The following ELF1 variants were observed in gnomAD, a reference collection of about 807,000 sequenced individuals.
ELF1 encodes the protein ETS-related transcription factor Elf-1.
A neutral mutation model predicts 59.9 loss-of-function variants in ELF1; 24 were observed. The ratio of observed to expected loss-of-function variants is 0.40; its 90% CI spans 0.29 to 0.56. ELF1 has a LOEUF of 0.56. Among genes scored for constraint, ELF1 ranks in the 20% least tolerant of loss-of-function variants. The pLI is 0.44. For synonymous variants in ELF1, 248 were observed against 266.2 expected, an observed-to-expected ratio of 0.93 and a Z score of 0.67; for missense variants, 627 against 742.2, an observed-to-expected ratio of 0.84 and a Z score of 1.80.
chr13:40,943,792 T>C (rs368151720), intron 6 of ELF1, 50 bp downstream of exon 6: 2 of 1,523,740 alleles, frequency 1.3e-6, no homozygotes, highest in Non-Finnish European at 1.8e-6. Flanking sequence ...AGGTAGGCAC[T>C]ATAAAGCAAT....
intron 4 of ELF1, 88 bp downstream of exon 4, chr13:40,951,241 A>G (rs1870827045): frequency 1.8e-6 from 2 of 1,093,432 alleles, no homozygotes; most frequent in Non-Finnish European, 2.6e-6. Flanking sequence ...ATATAACATC[A>G]TTTCTAATCT....
intron 1 of ELF1, among the ~76,000 whole-genome samples, chr13:41,047,922 C>T (rs1876926239): frequency 6.6e-6 from 1 of 152,216 alleles, no homozygotes; most frequent in Non-Finnish European, 1.5e-5. Context: ...GCAATGGGCT[C>T]CACCCAGTTC....
intron 5 of ELF1, among the ~76,000 whole-genome samples, chr13:40,946,701 C>A (rs574157040): frequency 6.6e-6 from 1 of 152,112 alleles, no homozygotes; most frequent in Admixed American, 6.5e-5. Context: ...ATAAACACAA[C>A]AAGCATGAAG....
In ELF1 at chr13:40,980,670, C is replaced by T. The variant is rs548305670; in HGVS notation, c.72+1313G>A. Among the ~76,000 whole-genome samples the T allele has an allele frequency of 9.7e-4, 147 of 152,238 alleles. 1 individual carries two copies. Among genetic ancestry groups the T allele is most frequent in the African/African-American group, 3.5e-3 (145 of 41,546 alleles). ...TCTGCTGCTACATCCTGAGATCAAA[C>T]CTCACCACATCAAGCCTAGCATCTA... On this transcript the variant is annotated intron_variant, in intron 2 of 8. Transcript: ENST00000239882.
intron 2 of ELF1, among the ~76,000 whole-genome samples, chr13:40,963,607 T>A (rs1294877531): frequency 6.6e-6 from 1 of 152,204 alleles, no homozygotes; most frequent in Non-Finnish European, 1.5e-5. Context: ...CAGATTTTCA[T>A]AAGAATATGA....
chr13:41,051,667 A>G (rs986923284), intron 1 of ELF1, among the ~76,000 whole-genome samples: 1 of 152,172 alleles, frequency 6.6e-6, no homozygotes, highest in Non-Finnish European at 1.5e-5. Context: ...ACTTTAAGTA[A>G]TAAGATTAAA....
Position 40,933,501 on chromosome 13 carries a change from A to G in ELF1, c.1784T>C (p.Val595Ala). ...TEQQPQPYVM[V>A]VSSSNGFTSQ... ...AGTAAATCCATTGGAACTGGACACT[A>G]CCATCACATAAGGCTGTGGCTGCTG... The change falls in exon 9 of 9, where the codon GTA (valine) becomes GCA (alanine). Residue 595 changes from valine (V) to alanine (A), a missense_variant. This residue lies in a region of ELF1 where 361 missense variants were observed against 396.1 expected (regional missense o/e 0.91). Transcript: ENST00000239882. 1 of 1,614,246 alleles carries G rather than the reference A, an allele frequency of 6.2e-7. No homozygotes were observed. The highest frequency in any genetic ancestry group is 8.5e-7 in the Non-Finnish European group (1 of 1,180,046).
chr13:41,026,854 T>C (rs775363654), intron 1 of ELF1, among the ~76,000 whole-genome samples: 1 of 152,236 alleles, frequency 6.6e-6, no homozygotes, highest in African/African-American at 2.4e-5. Flanking sequence ...CAAATGCCCA[T>C]GGTTCCTGGT....
chr13:40,990,274 T>C (rs2138299224), intron 1 of ELF1, among the ~76,000 whole-genome samples: 1 of 151,828 alleles, frequency 6.6e-6, no homozygotes, highest in African/African-American at 2.4e-5. Flanking sequence ...AAGTTACCTC[T>C]TATGACAATG....
intron 2 of ELF1, among the ~76,000 whole-genome samples, chr13:40,973,019 C>T (rs970658546): frequency 6.6e-6 from 1 of 152,108 alleles, no homozygotes; most frequent in African/African-American, 2.4e-5. Context: ...TCCAACAGAA[C>T]AATGGAATTT....
At chr13:40,958,711 T>C (rs1871613731) in intron 3 of ELF1, 125 bp downstream of exon 3, 7 of 1,298,210 alleles carry the variant, frequency 5.4e-6, no homozygotes, top group East Asian at 5.0e-5. Context: ...TGTAGGGCTG[T>C]AGTTTCTGAA....
At chr13:41,032,720 C>G (rs1021708884) in intron 1 of ELF1, among the ~76,000 whole-genome samples, 1 of 151,876 alleles carries the variant, frequency 6.6e-6, no homozygotes, top group Non-Finnish European at 1.5e-5. Flanking sequence ...TATGGTGGTG[C>G]AAGCCTGTAG....
intron 6 of ELF1, 83 bp from the exon 7 acceptor site, chr13:40,943,227 T>C: frequency 8.3e-7 from 1 of 1,203,984 alleles, no homozygotes; most frequent in South Asian, 2.2e-5. Flanking sequence ...GTCTTAGAAG[T>C]GCCATTTATA....
At position 40,951,343 on chromosome 13, in the gene ELF1, T is replaced by A; in HGVS notation, c.347A>T (p.Asp116Val). 1 of 1,610,718 alleles carries A rather than the reference T, an allele frequency of 6.2e-7. No homozygotes were observed. The highest frequency in any genetic ancestry group is 8.5e-7 in the Non-Finnish European group (1 of 1,177,966). The stretch of plus-strand genomic sequence containing the variant: ...TAATCACTCACTTATTCGTTTTTCA[T>A]CCAGCATAGGGCCAGGGGAATCCAT... ...LNMDSPGPML[D>V]EKRINNNIFS... The change falls in exon 4 of 9, where the codon GAT becomes GTT. Residue 116 changes from aspartate to valine, a missense_variant. Coordinates refer to ENST00000239882, the MANE Select transcript of ELF1 (RefSeq NM_172373.4).
At chr13:40,936,432 C>T (rs777481952) in intron 8 of ELF1, among the ~76,000 whole-genome samples, 3 of 152,084 alleles carry the variant, frequency 2.0e-5, no homozygotes, top group South Asian at 2.1e-4. Context: ...ACTAGGACTT[C>T]GCTGCTTCTG....
chr13:40,997,536 G>A (rs1362678063), intron 1 of ELF1, among the ~76,000 whole-genome samples: 2 of 151,814 alleles, frequency 1.3e-5, no homozygotes, highest in Non-Finnish European at 2.9e-5. Flanking sequence ...AATTACAGGT[G>A]TGAGCCACTG....
At chr13:40,995,781 G>A (rs1314391734) in intron 1 of ELF1, among the ~76,000 whole-genome samples, 1 of 151,976 alleles carries the variant, frequency 6.6e-6, no homozygotes, top group Non-Finnish European at 1.5e-5. Context: ...CATAGCATAG[G>A]AGAAAAATCT....
intron 8 of ELF1, among the ~76,000 whole-genome samples, chr13:40,936,395 T>C (rs550062057): frequency 1.3e-5 from 2 of 152,226 alleles, no homozygotes; most frequent in South Asian, 4.1e-4. Context: ...TACTTGGAAA[T>C]TTTCCATATT....
At chr13:40,972,307 G>C (rs1179806291) in intron 2 of ELF1, among the ~76,000 whole-genome samples, 4 of 152,118 alleles carry the variant, frequency 2.6e-5, no homozygotes, top group Non-Finnish European at 5.9e-5. Context: ...ACAACGCCAG[G>C]GCAAACTATG....
Sources: allele counts gnomAD v4.1 joint callset (sites outside exome capture counted in the v4.1 genomes callset), GRCh38; gene constraint gnomAD v4.1.1; regional missense constraint gnomAD v4.1.1; transcripts MANE v1.5; gene names NCBI Gene and HGNC (gene_info 2026-07-23, HGNC 2026-07-21).